NRTN: variants seen among roughly 807,000 people sequenced by gnomAD.
NRTN encodes prepro-neurturin.
Under a neutral mutation model 7.5 loss-of-function variants are expected in NRTN, and 3 were observed. The ratio of observed to expected loss-of-function variants is 0.40; its 90% CI spans 0.18 to 1.03. The LOEUF (loss-of-function observed/expected upper bound fraction) is 1.03. Ranked by LOEUF, NRTN falls within the 50% of genes least tolerant of loss-of-function variation. The pLI, the probability that NRTN is intolerant of heterozygous loss-of-function variation, is 0.34. For missense variants in NRTN, 310 were observed against 307.0 expected (o/e 1.01, Z -0.07); for synonymous variants, 157 against 146.6 (o/e 1.07, Z -0.51).
intron 1 of NRTN, among the ~76,000 whole-genome samples, chr19:5,820,924 C>G (rs1469816290): frequency 6.6e-6 from 1 of 152,128 alleles, no homozygotes; most frequent in Non-Finnish European, 1.5e-5. Flanking sequence ...CTCTTCCCCT[C>G]CTCACTCTGC....
At chr19:5,818,631 C>A (rs1314460062) in intron 1 of NRTN, among the ~76,000 whole-genome samples, 1 of 152,026 alleles carries the variant, frequency 6.6e-6, no homozygotes, top group Non-Finnish European at 1.5e-5. Flanking sequence ...ACAGTGGGCA[C>A]TCCTGTACCT....
intron 1 of NRTN, among the ~76,000 whole-genome samples, chr19:5,817,565 AGG>A (rs1416493485): frequency 8.8e-6 from 1 of 113,136 alleles, no homozygotes; most frequent in East Asian, 3.0e-4. Flanking sequence ...GAAGGAAGGA[AGG>A]GAGGGAGGGA....
At chr19:5,822,948 T>G (rs554423403) in intron 1 of NRTN, among the ~76,000 whole-genome samples, 5 of 149,818 alleles carry the variant, frequency 3.3e-5, no homozygotes, top group Non-Finnish European at 5.9e-5. Flanking sequence ...CGCTTGAGCC[T>G]AGGAGGTGGA....
intron 1 of NRTN, among the ~76,000 whole-genome samples, chr19:5,808,455 C>CGGG (rs1568395550): frequency 2.0e-5 from 3 of 152,196 alleles, no homozygotes; most frequent in African/African-American, 4.8e-5. Context: ...CACAGAGGGC[C>CGGG]GGGGCCAGAA....
At chr19:5,812,123 G>A (rs1001702038) in intron 1 of NRTN, among the ~76,000 whole-genome samples, 5 of 151,988 alleles carry the variant, frequency 3.3e-5, no homozygotes, top group South Asian at 2.1e-4. Context: ...CACCCGCCTC[G>A]GCCTCCTAAG....
At chr19:5,810,714 A>G (rs535042828) in intron 1 of NRTN, among the ~76,000 whole-genome samples, 22 of 151,968 alleles carry the variant, frequency 1.4e-4, no homozygotes, top group Non-Finnish European at 2.8e-4. Flanking sequence ...CGGGCGGATC[A>G]CGAGGTCAGA....
intron 1 of NRTN, among the ~76,000 whole-genome samples, chr19:5,823,407 G>A (rs867961566): frequency 3.9e-5 from 6 of 152,122 alleles, no homozygotes; most frequent in Admixed American, 6.6e-5. Flanking sequence ...ACAAGAGTGA[G>A]ACTCCATCTC....
At chr19:5,805,608 G>A (rs1374947680) in intron 1 of NRTN, among the ~76,000 whole-genome samples, 157 bp downstream of exon 1, 2 of 151,992 alleles carry the variant, frequency 1.3e-5, no homozygotes, top group East Asian at 3.9e-4. Flanking sequence ...TGGGGTCAGA[G>A]GGACGACAGG....
At chr19:5,822,121 C>T (rs1025062574) in intron 1 of NRTN, among the ~76,000 whole-genome samples, 1 of 152,048 alleles carries the variant, frequency 6.6e-6, no homozygotes, top group Non-Finnish European at 1.5e-5. Context: ...CTGTCGTCGC[C>T]GTCCATGGGG....
intron 1 of NRTN, among the ~76,000 whole-genome samples, chr19:5,822,013 G>A (rs1050272223): frequency 2.0e-5 from 3 of 152,170 alleles, no homozygotes; most frequent in Non-Finnish European, 2.9e-5. Flanking sequence ...GTAAAATGGA[G>A]ATAGTAGTGC....
At chr19:5,813,080 A>C (rs1016236407) in intron 1 of NRTN, among the ~76,000 whole-genome samples, 1 of 152,114 alleles carries the variant, frequency 6.6e-6, no homozygotes, top group African/African-American at 2.4e-5. Flanking sequence ...TTCGTGCCCT[A>C]TTGAAGATGG....
chr19:5,813,096 C>A (rs2056995084), intron 1 of NRTN, among the ~76,000 whole-genome samples: 1 of 152,124 alleles, frequency 6.6e-6, no homozygotes, highest in African/African-American at 2.4e-5. Flanking sequence ...GATGGGAGGC[C>A]AGGCATGGTG....
At chr19:5,822,916 T>C (rs1367804731) in intron 1 of NRTN, among the ~76,000 whole-genome samples, 1 of 151,404 alleles carries the variant, frequency 6.6e-6, no homozygotes, top group Admixed American at 6.6e-5. Flanking sequence ...CCTAGCTACT[T>C]GGGAGGCTGA....
chr19:5,828,242 A>G lies in NRTN; in HGVS notation c.*69A>G. 1 of 1,491,694 alleles carries G rather than the reference A, an allele frequency of 6.7e-7. No individual in the cohort carries two copies. The allele number at this position is 1,491,694 out of a possible 1,614,324, so 92.4% of individuals were successfully genotyped here. A position where few individuals can be genotyped will look rare whatever the true frequency, so the allele number is the denominator to read the frequency against. On this transcript the variant is annotated 3_prime_UTR_variant, in exon 3 of 3. Transcript: ENST00000303212. ...GACGGCACCACTGGCCGGCCCCGCG[A>G]AAGACTGCGCGTGCGTAGAGCACGC...
chr19:5,813,746 A>G (rs2056997380), intron 1 of NRTN, among the ~76,000 whole-genome samples: 1 of 151,800 alleles, frequency 6.6e-6, no homozygotes, highest in Admixed American at 6.6e-5. Flanking sequence ...AGGCTGAGAC[A>G]GGAGAATCGC....
chr19:5,820,735 C>CAAAAAAAAAAAAAAAAAAAAAA (rs1332878144), intron 1 of NRTN, among the ~76,000 whole-genome samples: 1 of 62,134 alleles, frequency 1.6e-5, no homozygotes, highest in East Asian at 5.9e-4. Context: ...AACTCTGTCT[C>CAAAAAAAAAAAAAAAAAAAAAA]AAGAAAAAAA....
intron 1 of NRTN, among the ~76,000 whole-genome samples, chr19:5,810,884 G>A (rs183661169): frequency 9.0e-4 from 136 of 151,006 alleles, no homozygotes; most frequent in African/African-American, 2.9e-3. Context: ...AGCTGAGATC[G>A]CTCCACTGCA....
At chr19:5,824,407 G>A (rs1229331157) in intron 2 of NRTN, 73 bp downstream of exon 2, 2 of 1,414,200 alleles carry the variant, frequency 1.4e-6, no homozygotes, top group African/African-American at 1.4e-5. Flanking sequence ...GGAGTGGGAG[G>A]TGGTGGGGGG....
intron 1 of NRTN, among the ~76,000 whole-genome samples, chr19:5,807,677 A>T (rs1466270472): frequency 6.6e-6 from 1 of 152,274 alleles, no homozygotes; most frequent in Non-Finnish European, 1.5e-5. Context: ...AGCTTACAGC[A>T]TGTGGCCCTC....
Sources: allele counts gnomAD v4.1 joint callset (sites outside exome capture counted in the v4.1 genomes callset), GRCh38; gene constraint gnomAD v4.1.1; transcripts MANE v1.5; gene names NCBI Gene and HGNC (gene_info 2026-07-23, HGNC 2026-07-21).